Variants in DYM observed in about 807,000 individuals in gnomAD.
The protein encoded by DYM is dyggve-Melchior-Clausen syndrome protein.
A neutral mutation model predicts 93.1 loss-of-function variants in DYM; 78 were observed. The ratio of observed to expected loss-of-function variants is 0.84; its 90% CI spans 0.70 to 1.01. The LOEUF (loss-of-function observed/expected upper bound fraction) is 1.01, where lower values mean the gene tolerates loss of function less well. DYM is among the 50% of genes least tolerant of loss of function. DYM has a pLI of 0.00. For synonymous variants in DYM, 321 were observed against 319.7 expected (o/e 1.00, Z -0.04); for missense variants, 789 against 845.0 (o/e 0.93, Z 0.82).
At chr18:49,406,313 A>G (rs182205963) in intron 2 of DYM, among the ~76,000 whole-genome samples, 7 of 152,146 alleles carry the variant, frequency 4.6e-5, no homozygotes, top group Non-Finnish European at 8.8e-5. Flanking sequence ...TAATCCCAAC[A>G]CTTTGGGAGG....
At chr18:49,371,107 C>A (rs1401139117) in intron 5 of DYM, among the ~76,000 whole-genome samples, 2 of 152,280 alleles carry the variant, frequency 1.3e-5, no homozygotes, top group East Asian at 3.9e-4. Context: ...CACATTAAGT[C>A]AAGAATTGCT....
chr18:49,333,707 A>C (rs2063473477), intron 7 of DYM, 21 bp downstream of exon 7: 5 of 1,612,644 alleles, frequency 3.1e-6, no homozygotes, highest in Non-Finnish European at 4.2e-6. Flanking sequence ...AAAACTAGAC[A>C]TACTTAAAGT....
At chr18:49,079,861 C>G (rs553150720) in intron 17 of DYM, among the ~76,000 whole-genome samples, 66 of 151,540 alleles carry the variant, frequency 4.4e-4, no homozygotes, top group African/African-American at 1.4e-3. Flanking sequence ...ACCTTCCCCC[C>G]CTTTCTATTC....
At chr18:49,066,778 C>T (rs1029586071) in intron 17 of DYM, among the ~76,000 whole-genome samples, 6 of 151,918 alleles carry the variant, frequency 3.9e-5, no homozygotes, top group Non-Finnish European at 7.4e-5. Flanking sequence ...TATCCCTGAT[C>T]TTGCCCTATA....
At chr18:49,371,428 G>A (rs748203786) in intron 5 of DYM, among the ~76,000 whole-genome samples, 48 of 152,146 alleles carry the variant, frequency 3.2e-4, no homozygotes, top group Non-Finnish European at 1.8e-4. Context: ...AGCTGTGACT[G>A]TGCCACTGCA....
At chr18:49,090,763 C>CA (rs2078978120) in intron 17 of DYM, among the ~76,000 whole-genome samples, 1 of 152,042 alleles carries the variant, frequency 6.6e-6, no homozygotes, top group South Asian at 2.1e-4. Flanking sequence ...ATCCTAATAC[C>CA]ATAAATCAGA....
At chr18:49,125,526 G>A (rs761448820) in intron 15 of DYM, among the ~76,000 whole-genome samples, 8 of 152,132 alleles carry the variant, frequency 5.3e-5, no homozygotes, top group Non-Finnish European at 1.0e-4. Context: ...TCAGGTCTAC[G>A]TTAATTGGTT....
At chr18:49,371,945 GCCAGCAATAT>G (rs2067082116) in intron 5 of DYM, among the ~76,000 whole-genome samples, 1 of 152,144 alleles carries the variant, frequency 6.6e-6, no homozygotes, top group African/African-American at 2.4e-5. Flanking sequence ...CACTGAAAAT[GCCAGCAATAT>G]CCATGTGATC....
intron 14 of DYM, among the ~76,000 whole-genome samples, chr18:49,195,975 G>A (rs537806252): frequency 7.8e-6 from 1 of 127,860 alleles, no homozygotes; most frequent in South Asian, 2.6e-4. Flanking sequence ...CCAACTTGGA[G>A]TGCAGTGGTG....
At chr18:49,258,583 C>T in intron 11 of DYM, 90 bp from the exon 12 acceptor site, 1 of 844,808 alleles carries the variant, frequency 1.2e-6, no homozygotes, top group South Asian at 1.4e-5. Flanking sequence ...TAAACGATGA[C>T]TTTGCTCTGA....
At chr18:49,096,123 T>C (rs2079524243) in intron 17 of DYM, among the ~76,000 whole-genome samples, 1 of 152,230 alleles carries the variant, frequency 6.6e-6, no homozygotes, top group African/African-American at 2.4e-5. Context: ...ATGAATTCTC[T>C]ATATTTAAAA....
chr18:49,330,794 G>A (rs2063251224), intron 8 of DYM, among the ~76,000 whole-genome samples: 1 of 152,174 alleles, frequency 6.6e-6, no homozygotes, highest in African/African-American at 2.4e-5. Flanking sequence ...AACTGGATAG[G>A]AGTAACTCAA....
At chr18:49,106,313 T>C (rs1202400880) in intron 16 of DYM, among the ~76,000 whole-genome samples, 3 of 152,196 alleles carry the variant, frequency 2.0e-5, no homozygotes, top group Non-Finnish European at 4.4e-5. Context: ...GCATGTGAGA[T>C]GGGTTTCCTG....
chr18:49,090,191 T>C (rs1490414218), intron 17 of DYM, among the ~76,000 whole-genome samples: 2 of 152,164 alleles, frequency 1.3e-5, no homozygotes, highest in Non-Finnish European at 2.9e-5. Context: ...TCTTTGTCTT[T>C]ATTGGACAAG....
chr18:49,145,774 A>G (rs1172960571), intron 15 of DYM, among the ~76,000 whole-genome samples: 1 of 152,206 alleles, frequency 6.6e-6, no homozygotes, highest in Non-Finnish European at 1.5e-5. Context: ...AGCTGTAGGT[A>G]GAAGATTTAT....
At chr18:49,114,564 G>A (rs904696943) in intron 16 of DYM, 1 of 985,266 alleles carries the variant, frequency 1.0e-6, no homozygotes, top group African/African-American at 1.7e-5. Context: ...TTCCAAAGGA[G>A]AATGTGTTTC....
rs368139409 is a variant in DYM, at chr18:49,236,412, G to A, written c.1460+20598C>T. Among the ~76,000 whole-genome samples the A allele has an allele frequency of 4.6e-5, 7 of 151,886 alleles. No individual in the cohort carries two copies. In the East Asian group the frequency reaches 7.8e-4, roughly 17 times the overall value. On this transcript the variant is annotated intron_variant, in intron 13 of 17. Transcript: ENST00000675505. ...GGAGAACGGTGTGAACCCAGGAGGCGGAGCTTGCAGTGAGCTGAGATCGTG... is the reference window on the plus strand; with the variant it reads ...GGAGAACGGTGTGAACCCAGGAGGCAGAGCTTGCAGTGAGCTGAGATCGTG...
chr18:49,346,653 A>G (rs1035434541), intron 6 of DYM, among the ~76,000 whole-genome samples: 5 of 152,224 alleles, frequency 3.3e-5, no homozygotes, highest in African/African-American at 1.2e-4. Context: ...ATATACCTCA[A>G]TGAAGTTGTT....
chr18:49,260,106 A>T (rs1248356205), intron 11 of DYM, among the ~76,000 whole-genome samples: 2 of 152,224 alleles, frequency 1.3e-5, no homozygotes, highest in Non-Finnish European at 2.9e-5. Context: ...GTCGCTTAAG[A>T]TTATAAAAGT....
Sources: allele counts gnomAD v4.1 joint callset (sites outside exome capture counted in the v4.1 genomes callset), GRCh38; gene constraint gnomAD v4.1.1; transcripts MANE v1.5; gene names NCBI Gene and HGNC (gene_info 2026-07-23, HGNC 2026-07-21).